Variants in TPGS2 observed in about 807,000 individuals in gnomAD.
TPGS2 encodes the protein tubulin polyglutamylase complex subunit 2.
TPGS2 carries 26 observed loss-of-function variants against 31.1 expected under a neutral mutation model. The observed-to-expected ratio is 0.84, with a 90% CI of 0.61 to 1.16. The LOEUF (loss-of-function observed/expected upper bound fraction) is 1.16. Among genes scored for constraint, TPGS2 ranks in the 50% most tolerant of loss-of-function variants. The probability of loss-of-function intolerance (pLI) is 0.00; values close to 1 mark genes in which losing one functional copy is unlikely to be tolerated. For synonymous variants in TPGS2, 130 were observed against 136.6 expected (o/e 0.95, Z 0.34); for missense variants, 351 against 363.8 (o/e 0.96, Z 0.29).
intron 4 of TPGS2, 151 bp downstream of exon 4, chr18:36,805,223 C>CA (rs2045056720): frequency 1.4e-5 from 13 of 908,160 alleles, no homozygotes; most frequent in Non-Finnish European, 2.1e-5. Flanking sequence ...TTTAGATTGT[C>CA]ATGTTCCCTG....
chr18:36,798,505 C>T lies in TPGS2; in HGVS notation c.601G>A (p.Gly201Ser), dbSNP rs1373482209. The T allele has an allele frequency of 6.2e-7, 1 of 1,614,178 alleles. No homozygotes were observed. The highest frequency in any genetic ancestry group is 1.7e-5 in the Admixed American group (1 of 60,020). Residue 201 changes from glycine (G) to serine (S), a missense_variant, in exon 6 of 7, where the codon GGC (glycine) becomes AGC (serine). Transcript: ENST00000334295. ...AYYRLLITHL[G>S]LPQWQYAFTS... The stretch of plus-strand genomic sequence containing the variant: ...AAGGCATATTGCCACTGGGGCAGGC[C>T]CAGGTGGGTGATGAGCAGGCGGTAA...
intron 1 of TPGS2, among the ~76,000 whole-genome samples, chr18:36,819,699 G>A (rs911614326): frequency 1.3e-5 from 2 of 152,128 alleles, no homozygotes; most frequent in African/African-American, 2.4e-5. Context: ...CTTAATCCAA[G>A]ACTTAAAATT....
intron 4 of TPGS2, 117 bp downstream of exon 4, chr18:36,805,257 G>T: frequency 8.4e-7 from 1 of 1,195,304 alleles, no homozygotes. Flanking sequence ...CTGAAATGTT[G>T]AGTGAGGTTT....
chr18:36,825,395 G>A (rs2046086973), intron 1 of TPGS2, among the ~76,000 whole-genome samples: 1 of 140,718 alleles, frequency 7.1e-6, no homozygotes, highest in South Asian at 2.2e-4. Context: ...GCACACCACT[G>A]CACTCCAGCC....
chr18:36,819,863 T>C (rs1023544719), intron 1 of TPGS2, among the ~76,000 whole-genome samples: 12 of 152,038 alleles, frequency 7.9e-5, no homozygotes, highest in African/African-American at 2.7e-4. Flanking sequence ...TGAAGTAGAG[T>C]AGATCCCTAG....
At position 36,795,976 on chromosome 18, in the gene TPGS2, G is replaced by GTA. The variant is rs2150556010; in HGVS notation, c.*827_*828dup. 2.0e-6 allele frequency: 2 copies of GTA among 985,446 alleles called. No homozygotes were observed. Among genetic ancestry groups the GTA allele is most frequent in the African/African-American group, 1.7e-5 (1 of 57,376 alleles). 61.0% of individuals were successfully genotyped at this position (985,446 alleles called of 1,614,324 possible). On this transcript the variant is annotated 3_prime_UTR_variant, in exon 7 of 7. Coordinates refer to ENST00000334295, the MANE Select transcript of TPGS2 (RefSeq NM_015476.4). ...ATGGTAAGAATAAAGTATAGCAGAA[G>GTA]TACACCTTCTTTAAAAAGTTAATAA...
chr18:36,828,705 G>A lies in TPGS2; in HGVS notation c.63C>T (p.Thr21=), dbSNP rs997355368. 4 of 1,614,008 alleles carry A rather than the reference G, an allele frequency of 2.5e-6. No homozygotes were observed. Among genetic ancestry groups the A allele is most frequent in the East Asian group, 2.2e-5 (1 of 44,860 alleles). Residue 21 remains threonine, a synonymous_variant, in exon 1 of 7, where the codon ACC becomes ACT. Transcript: ENST00000334295. ...GCSKPHLEKL[T]LGITRILESS... ...CACCTAGGATGCGCGTGATGCCCAG[G>A]GTCAGCTTCTCCAGGTGCGGCTTGC...
intron 2 of TPGS2, among the ~76,000 whole-genome samples, chr18:36,813,946 T>C (rs1453224603): frequency 2.0e-5 from 3 of 152,124 alleles, no homozygotes; most frequent in Non-Finnish European, 4.4e-5. Flanking sequence ...ATGCTTATCA[T>C]AAATTCACAG....
chr18:36,784,093 C>T (rs962406092), intron 6 of TPGS2, among the ~76,000 whole-genome samples: 3 of 151,988 alleles, frequency 2.0e-5, no homozygotes, highest in Non-Finnish European at 4.4e-5. Context: ...AATAGCACAG[C>T]CGCTCGACAC....
At chr18:36,802,325 G>A (rs2044861070) in intron 4 of TPGS2, among the ~76,000 whole-genome samples, 1 of 152,150 alleles carries the variant, frequency 6.6e-6, no homozygotes, top group Non-Finnish European at 1.5e-5. Context: ...GCTCCCTTCT[G>A]CCAACTGTAG....
intron 2 of TPGS2, among the ~76,000 whole-genome samples, chr18:36,814,924 TAG>T (rs1484875487): frequency 6.6e-6 from 1 of 152,368 alleles, no homozygotes; most frequent in East Asian, 1.9e-4. Flanking sequence ...GTTTCAGGGA[TAG>T]AGTCTGCAGG....
At chr18:36,806,905 A>G (rs1473144981) in intron 3 of TPGS2, among the ~76,000 whole-genome samples, 1 of 150,518 alleles carries the variant, frequency 6.6e-6, no homozygotes, top group Non-Finnish European at 1.5e-5. Context: ...GCAGTGCAAG[A>G]TAGACAGGAA....
chr18:36,819,736 TTC>T (rs1353800635), intron 1 of TPGS2, among the ~76,000 whole-genome samples: 2 of 152,236 alleles, frequency 1.3e-5, no homozygotes, highest in African/African-American at 4.8e-5. Context: ...ATGACTTGAA[TTC>T]TGTCCCCACC....
chr18:36,821,375 T>C (rs1415699444), intron 1 of TPGS2, among the ~76,000 whole-genome samples: 3 of 152,176 alleles, frequency 2.0e-5, no homozygotes, highest in African/African-American at 7.2e-5. Flanking sequence ...AAATGAGAAC[T>C]ACCCCAGCTG....
chr18:36,795,245 T>G lies in TPGS2; in HGVS notation c.*1560A>C, dbSNP rs1022765867. 1.0e-6 allele frequency: 1 copy of G among 985,308 alleles called. No individual in the cohort carries two copies. Among genetic ancestry groups the G allele is most frequent in the Admixed American group, 6.1e-5 (1 of 16,264 alleles). The allele number at this position is 985,308 out of a possible 1,614,324, so 61.0% of individuals were successfully genotyped here. A position where few individuals can be genotyped will look rare whatever the true frequency, so the allele number is the denominator to read the frequency against. ...ATGTGGAGAATCCTGTGGACTGCTC[T>G]TAGTTCCCCAGTGGGTTTGGAAGAG... On this transcript the variant is annotated 3_prime_UTR_variant, in exon 7 of 7. Coordinates refer to ENST00000334295, the MANE Select transcript of TPGS2 (RefSeq NM_015476.4).
At chr18:36,784,117 C>T (rs1252075324) in intron 6 of TPGS2, among the ~76,000 whole-genome samples, 1 of 152,088 alleles carries the variant, frequency 6.6e-6, no homozygotes. Context: ...GATTTTAGCT[C>T]AATAAAACTA....
chr18:36,819,670 G>A (rs1283476464), intron 1 of TPGS2, among the ~76,000 whole-genome samples: 1 of 152,150 alleles, frequency 6.6e-6, no homozygotes, highest in African/African-American at 2.4e-5. Flanking sequence ...TGGCCATGCA[G>A]ACTCAAGATT....
Position 36,795,573 on chromosome 18 carries a change from AG to A in TPGS2, c.*1231del, listed in dbSNP as rs1403242532. On this transcript the variant is annotated 3_prime_UTR_variant, in exon 7 of 7. Coordinates refer to ENST00000334295, the MANE Select transcript of TPGS2 (RefSeq NM_015476.4). ...AGGACTGTAGAGGGAGGAAATAAAT[AG>A]GCATTCCTAATTGAAAATCTGAGCA... is the stretch of plus-strand genomic sequence containing the variant. 3 of 985,372 alleles carry A rather than the reference AG, an allele frequency of 3.0e-6. No individual in the cohort carries two copies. The highest frequency in any genetic ancestry group is 1.7e-5 in the African/African-American group (1 of 57,258). The allele number at this position is 985,372 out of a possible 1,614,324, so 61.0% of individuals were successfully genotyped here.
chr18:36,796,504 A>T lies in TPGS2; in HGVS notation c.*301T>A. The T allele has an allele frequency of 9.1e-7, 1 of 1,096,810 alleles. No individual in the cohort carries two copies. The highest frequency in any genetic ancestry group is 1.7e-5 in the African/African-American group (1 of 58,736). 67.9% of individuals were successfully genotyped at this position (1,096,810 alleles called of 1,614,324 possible). A position where few individuals can be genotyped will look rare whatever the true frequency, so the allele number is the denominator to read the frequency against. On this transcript the variant is annotated 3_prime_UTR_variant, in exon 7 of 7. Coordinates refer to ENST00000334295, the MANE Select transcript of TPGS2 (RefSeq NM_015476.4). Reference sequence around the variant, plus strand: ...GTTTCTTTGGGGGACCTCTCTAATCAATCAGTGCTAAGGGATTGAGGGTTG... The same window carrying T: ...GTTTCTTTGGGGGACCTCTCTAATCTATCAGTGCTAAGGGATTGAGGGTTG...
Sources: gnomAD v4.1 joint callset for allele counts (sites outside exome capture counted in the v4.1 genomes callset) on GRCh38, gnomAD v4.1.1 for gene constraint, MANE v1.5 for transcripts, NCBI Gene and HGNC (gene_info 2026-07-23, HGNC 2026-07-21) for gene names.